Variants in SMARCA5 observed in about 807,000 individuals in gnomAD.
SMARCA5 encodes the protein SWI/SNF-related matrix-associated actin-dependent regulator of chromatin subfamily A member 5.
A neutral mutation model predicts 140.4 loss-of-function variants in SMARCA5; 18 were observed. The ratio of observed to expected loss-of-function variants is 0.13; its 90% confidence interval spans 0.09 to 0.19. The LOEUF (loss-of-function observed/expected upper bound fraction) is 0.19. Among genes scored for constraint, SMARCA5 ranks in the 10% least tolerant of loss-of-function variants. The probability of loss-of-function intolerance (pLI) is 1.00; values close to 1 mark genes in which losing one functional copy is unlikely to be tolerated. For synonymous variants in SMARCA5, 449 were observed against 419.6 expected (o/e 1.07, Z -0.86); for missense variants, 606 against 1,276.8 (o/e 0.47, Z 8.01).
chr4:143,530,953 C>A (rs1267758650), intron 9 of SMARCA5, among the ~76,000 whole-genome samples: 2 of 152,120 alleles, frequency 1.3e-5, no homozygotes, highest in African/African-American at 2.4e-5. Flanking sequence ...GTAGCTGGGG[C>A]TACAGGCTCT....
At position 143,534,934 on chromosome 4, in the gene SMARCA5, A is replaced by G; in HGVS notation, c.1238A>G (p.Tyr413Cys). The G allele has an allele frequency of 1.2e-6, 2 of 1,612,944 alleles. No homozygotes were observed. Among genetic ancestry groups the G allele is most frequent in the Non-Finnish European group, 8.5e-7 (1 of 1,179,378 alleles). Residue 413 changes from tyrosine to cysteine, a missense_variant, in exon 10 of 24, where the codon TAT becomes TGT. Physicochemically the swap from Tyr to Cys is radical, Grantham distance 194 (BLOSUM62 -2). Transcript: ENST00000283131. Reference protein sequence around the residue: ...SLPPKKEVKIYVGLSKMQREW... With the variant: ...SLPPKKEVKICVGLSKMQREW... ...CCTCCAAAGAAGGAAGTAAAAATCT[A>G]TGTGGGCCTCAGCAAAATGCAAAGG... is the stretch of plus-strand genomic sequence containing the variant.
chr4:143,530,522 A>G lies in SMARCA5; in HGVS notation c.1154A>G (p.His385Arg). ...GATCAAAAACTAGTTGAGAGGCTTC[A>G]TATGGTAAGTATTTTGGAGTAGTGT... ...LGDQKLVERL[H>R]MVLRPFLLRR... The change falls in exon 9 of 24, where the codon CAT (histidine) becomes CGT (arginine). Residue 385 changes from histidine to arginine, a missense_variant. Coordinates refer to ENST00000283131, the MANE Select transcript of SMARCA5 (RefSeq NM_003601.4). The G allele has an allele frequency of 6.2e-7, 1 of 1,608,002 alleles. No homozygotes were observed. The highest frequency in any genetic ancestry group is 8.5e-7 in the Non-Finnish European group (1 of 1,175,304).
At position 143,517,295 on chromosome 4, in the gene SMARCA5, T is replaced by C. The variant is rs192350196; in HGVS notation, c.178-60T>C. Reference sequence around the variant, plus strand: ...GATGTGTTTTGGTCAGAAATTGGTCTATAATGGTATGTTTACTATTTTCGA... The same window carrying C: ...GATGTGTTTTGGTCAGAAATTGGTCCATAATGGTATGTTTACTATTTTCGA... On this transcript the variant is annotated intron_variant, in intron 1 of 23. Transcript: ENST00000283131. 2.6e-3 allele frequency: 3,289 copies of C among 1,278,950 alleles called. 13 individuals are homozygous for C. Among genetic ancestry groups the C allele is most frequent in the Non-Finnish European group, 2.9e-3 (2,666 of 913,338 alleles). The allele number at this position is 1,278,950 out of a possible 1,614,324, so 79.2% of individuals were successfully genotyped here. A position where few individuals can be genotyped will look rare whatever the true frequency, so the allele number is the denominator to read the frequency against.
intron 22 of SMARCA5, among the ~76,000 whole-genome samples, chr4:143,549,708 A>G (rs1218776391): frequency 6.6e-6 from 1 of 152,164 alleles, no homozygotes; most frequent in Non-Finnish European, 1.5e-5. Context: ...ACTAAGTAGC[A>G]GTATTGCATA....
At chr4:143,546,637 T>TA in intron 19 of SMARCA5, 139 bp from the exon 20 acceptor site, 1 of 663,474 alleles carries the variant, frequency 1.5e-6, no homozygotes, top group Non-Finnish European at 2.5e-6. Context: ...TATATTTATG[T>TA]ACACGAAAAG....
intron 13 of SMARCA5, among the ~76,000 whole-genome samples, 183 bp from the exon 14 acceptor site, chr4:143,540,177 CATT>C (rs746029621): frequency 2.6e-5 from 4 of 152,146 alleles, no homozygotes; most frequent in Non-Finnish European, 4.4e-5. Flanking sequence ...TGTTTGGAGA[CATT>C]ATGTGTTTTA....
At chr4:143,534,607 C>T (rs1331794463) in intron 9 of SMARCA5, among the ~76,000 whole-genome samples, 2 of 152,006 alleles carry the variant, frequency 1.3e-5, no homozygotes, top group Non-Finnish European at 2.9e-5. Context: ...AGGTTATATG[C>T]AAATACTACA....
chr4:143,549,963 G>A (rs1737610689), intron 22 of SMARCA5, 34 bp from the exon 23 acceptor site: 2 of 1,190,260 alleles, frequency 1.7e-6, no homozygotes, highest in Non-Finnish European at 1.2e-6. Context: ...CTTGTGGATG[G>A]AAAGTGCGTG....
rs576056217 is a variant in SMARCA5, at chr4:143,513,775, C to A, written c.-150C>A. ...GCAGCTCCTGGGCCCGGCTCAGGCC[C>A]GTCGCGGAGGCGCGGCGCAGGGGAG... is the stretch of plus-strand genomic sequence containing the variant. On this transcript the variant is annotated 5_prime_UTR_variant, in exon 1 of 24. Transcript: ENST00000283131. The A allele has an allele frequency of 2.0e-5, 17 of 861,260 alleles. No homozygotes were observed. In the East Asian group the frequency reaches 4.4e-4, roughly 22 times the overall value. The allele number at this position is 861,260 out of a possible 1,614,324, so 53.4% of individuals were successfully genotyped here.
At chr4:143,526,258 A>T in intron 5 of SMARCA5, 23 bp from the exon 6 acceptor site, 1 of 1,594,196 alleles carries the variant, frequency 6.3e-7, no homozygotes, top group Non-Finnish European at 8.6e-7. Context: ...TCACTGCTTC[A>T]TGGTTATTTT....
intron 2 of SMARCA5, among the ~76,000 whole-genome samples, 152 bp from the exon 3 acceptor site, chr4:143,521,276 GC>G (rs1399489244): frequency 6.6e-6 from 1 of 151,042 alleles, no homozygotes; most frequent in Non-Finnish European, 1.5e-5. Context: ...CTTTCACTTT[GC>G]ATAGTGCTTT....
At chr4:143,552,378 T>G (rs528191101) in intron 23 of SMARCA5, among the ~76,000 whole-genome samples, 43 of 151,950 alleles carry the variant, frequency 2.8e-4, no homozygotes, top group Middle Eastern at 3.4e-3. Context: ...TAGATGTCCT[T>G]TCTTTCTTTC....
chr4:143,537,697 C>G (rs6813468), intron 11 of SMARCA5, among the ~76,000 whole-genome samples: 32,008 of 151,788 alleles, frequency 0.21, 3,376 homozygotes, highest in South Asian at 0.29. Flanking sequence ...GGCAGATCAC[C>G]TAAGGTCAAG....
rs1427868166 is a variant in SMARCA5 at position 143,536,928 on chromosome 4, A to G, written c.1495+250A>G. Among the ~76,000 whole-genome samples, 6 of 152,260 alleles carry G rather than the reference A, an allele frequency of 3.9e-5. No homozygotes were observed. In the East Asian group the frequency reaches 1.2e-3, roughly 29 times the overall value. On this transcript the variant is annotated intron_variant, in intron 11 of 23. Transcript: ENST00000283131. ...TGGGAAGAGTTCATACTTTATATATACTTTCCTAGAAATTATAGCTTTCTG... is the reference window on the plus strand; with the variant it reads ...TGGGAAGAGTTCATACTTTATATATGCTTTCCTAGAAATTATAGCTTTCTG...
chr4:143,542,499 C>G (rs1282490785), intron 14 of SMARCA5, among the ~76,000 whole-genome samples: 1 of 152,104 alleles, frequency 6.6e-6, no homozygotes, highest in Non-Finnish European at 1.5e-5. Flanking sequence ...GGAAACATAC[C>G]TTGTGGATAT....
intron 15 of SMARCA5, 54 bp downstream of exon 15, chr4:143,543,711 A>G: frequency 6.5e-7 from 1 of 1,538,086 alleles, no homozygotes; most frequent in Non-Finnish European, 8.9e-7. Flanking sequence ...GACCAGAAAC[A>G]GGAAATATTT....
intron 19 of SMARCA5, 145 bp from the exon 20 acceptor site, chr4:143,546,631 T>G: frequency 1.6e-6 from 1 of 634,822 alleles, no homozygotes; most frequent in Non-Finnish European, 2.6e-6. Context: ...AAAGTGTATA[T>G]TTATGTACAC....
At chr4:143,526,779 G>A (rs182525157) in intron 6 of SMARCA5, among the ~76,000 whole-genome samples, 4 of 151,970 alleles carry the variant, frequency 2.6e-5, no homozygotes, top group Admixed American at 6.6e-5. Context: ...CAGGAGAATC[G>A]CTGGAATCTG....
intron 9 of SMARCA5, 28 bp downstream of exon 9, chr4:143,530,554 A>G: frequency 7.0e-7 from 1 of 1,431,572 alleles, no homozygotes. Flanking sequence ...GTGTTAAAGC[A>G]TATTTATGAT....
Sources: allele counts gnomAD v4.1 joint callset (sites outside exome capture counted in the v4.1 genomes callset), GRCh38; gene constraint gnomAD v4.1.1; transcripts MANE v1.5; gene names NCBI Gene and HGNC (gene_info 2026-07-23, HGNC 2026-07-21).